SLC35F4: variants seen among roughly 807,000 people sequenced by gnomAD.
SLC35F4 encodes solute carrier family 35 member F4.
SLC35F4 carries 24 observed loss-of-function variants against 44.2 expected under a neutral mutation model. The observed-to-expected ratio is 0.54, with a 90% confidence interval of 0.39 to 0.76. The LOEUF (loss-of-function observed/expected upper bound fraction) is 0.76, where lower values mean the gene tolerates loss of function less well. Among genes scored for constraint, SLC35F4 ranks in the 30% least tolerant of loss-of-function variants. The pLI is 0.00. For synonymous variants in SLC35F4, 238 were observed against 223.6 expected (o/e 1.06, Z -0.57); for missense variants, 562 against 586.1 (o/e 0.96, Z 0.42).
rs139714958 is a variant in SLC35F4, at chr14:57,830,290, G to A, written c.103+35433C>T. Among the ~76,000 whole-genome samples, 1,473 of 152,204 alleles carry A rather than the reference G, an allele frequency of 9.7e-3. 17 individuals carry two copies. Among genetic ancestry groups the A allele is most frequent in the Middle Eastern group, 0.034 (10 of 294 alleles). ...TCCTTGGTTTCGTGATCTGTAAAAC[G>A]GAGAAAATGTGGTGTAATGCCACCT... is the stretch of plus-strand genomic sequence containing the variant. On this transcript the variant is annotated intron_variant, in intron 1 of 7. Coordinates refer to ENST00000556826, the MANE Select transcript of SLC35F4 (RefSeq NM_001306087.2).
At chr14:57,670,513 C>T (rs1444836251) in intron 1 of SLC35F4, among the ~76,000 whole-genome samples, 2 of 151,868 alleles carry the variant, frequency 1.3e-5, no homozygotes, top group Admixed American at 6.6e-5. Context: ...ATGTGTCCCA[C>T]TGATTCTGGT....
chr14:57,579,425 C>T (rs750964311), intron 4 of SLC35F4: 1 of 151,766 alleles, frequency 6.6e-6, no homozygotes, highest in Non-Finnish European at 1.5e-5. Flanking sequence ...AAACACTGTA[C>T]CTTTTTGGAC....
chr14:57,859,251 A>G (rs1887465429), intron 1 of SLC35F4, among the ~76,000 whole-genome samples: 1 of 152,232 alleles, frequency 6.6e-6, no homozygotes, highest in Non-Finnish European at 1.5e-5. Context: ...GGAAGACTAT[A>G]TGCATCCACT....
chr14:57,613,865 T>A (rs2071652139), intron 1 of SLC35F4, among the ~76,000 whole-genome samples: 1 of 152,238 alleles, frequency 6.6e-6, no homozygotes, highest in Non-Finnish European at 1.5e-5. Context: ...GAAAGTAACA[T>A]CTACCTAGTA....
At chr14:57,825,740 C>T (rs1026138568) in intron 1 of SLC35F4, among the ~76,000 whole-genome samples, 2 of 152,002 alleles carry the variant, frequency 1.3e-5, no homozygotes, top group African/African-American at 4.8e-5. Context: ...AGCAGAGAGC[C>T]AAATCATGAA....
intron 1 of SLC35F4, among the ~76,000 whole-genome samples, chr14:57,865,199 G>T (rs1888033392): frequency 6.6e-6 from 1 of 152,062 alleles, no homozygotes; most frequent in Non-Finnish European, 1.5e-5. Flanking sequence ...TCCCGCGCTG[G>T]CAGCGTCTCA....
intron 1 of SLC35F4, among the ~76,000 whole-genome samples, chr14:57,678,050 C>A (rs1284889748): frequency 1.3e-5 from 2 of 151,936 alleles, no homozygotes; most frequent in Non-Finnish European, 2.9e-5. Flanking sequence ...TTGAGAAGAG[C>A]AACCCCAAGA....
At chr14:57,938,447 A>G (rs1266679569) in intron 1 of SLC35F4, among the ~76,000 whole-genome samples, 1 of 152,226 alleles carries the variant, frequency 6.6e-6, no homozygotes, top group Non-Finnish European at 1.5e-5. Context: ...TTTTCAGATC[A>G]TCAGCACTTC....
chr14:57,710,134 G>A (rs971490044), intron 1 of SLC35F4, among the ~76,000 whole-genome samples: 3 of 152,222 alleles, frequency 2.0e-5, no homozygotes, highest in African/African-American at 7.2e-5. Context: ...CTCCTGCTCT[G>A]TGCAGTCTCA....
chr14:57,640,071 T>C (rs76679177), intron 1 of SLC35F4, among the ~76,000 whole-genome samples: 33,385 of 151,788 alleles, frequency 0.22, 3,753 homozygotes, highest in Middle Eastern at 0.29. Flanking sequence ...ACTTATATCC[T>C]ATAATAAATG....
intron 1 of SLC35F4, among the ~76,000 whole-genome samples, chr14:57,810,359 G>T (rs2140883276): frequency 6.6e-6 from 1 of 152,320 alleles, no homozygotes; most frequent in South Asian, 2.1e-4. Context: ...TGTCCTTTCT[G>T]GTTCTGGGGA....
At chr14:57,632,021 A>G (rs1243644588) in intron 1 of SLC35F4, among the ~76,000 whole-genome samples, 1 of 152,100 alleles carries the variant, frequency 6.6e-6, no homozygotes, top group Non-Finnish European at 1.5e-5. Flanking sequence ...CTGTTTGTGG[A>G]ATGTGTTTAA....
intron 1 of SLC35F4, among the ~76,000 whole-genome samples, chr14:57,934,441 T>C (rs1209958634): frequency 6.6e-6 from 1 of 151,502 alleles, no homozygotes; most frequent in Non-Finnish European, 1.5e-5. Flanking sequence ...ATGCATGTTA[T>C]TTCTCACACA....
chr14:57,653,952 C>T (rs1301784201), intron 1 of SLC35F4, among the ~76,000 whole-genome samples: 3 of 152,188 alleles, frequency 2.0e-5, no homozygotes, highest in Non-Finnish European at 4.4e-5. Context: ...GCTCCCCTAG[C>T]TTCTGGTGGT....
rs114689566 is a variant in SLC35F4, at chr14:57,762,411, C to T, written c.103+103312G>A. ...GTAGTGCTAGATCTTATCTAGCAGG[C>T]TGATTTTTCTAGGGAATTTTACCTT... On this transcript the variant is annotated intron_variant, in intron 1 of 7. Transcript: ENST00000556826. Among the ~76,000 whole-genome samples the T allele has an allele frequency of 2.4e-3, 363 of 152,178 alleles. 1 individual carries two copies. The highest frequency in any genetic ancestry group is 8.5e-3 in the African/African-American group (353 of 41,528).
intron 1 of SLC35F4, among the ~76,000 whole-genome samples, chr14:57,932,134 T>A (rs769447779): frequency 6.6e-6 from 1 of 152,244 alleles, no homozygotes; most frequent in African/African-American, 2.4e-5. Context: ...TCCCGTCATA[T>A]AACTTGAAGA....
intron 1 of SLC35F4, among the ~76,000 whole-genome samples, chr14:57,728,393 C>A: frequency 6.7e-6 from 1 of 148,508 alleles, no homozygotes. Context: ...TTACTGTTAC[C>A]AGGGAGTTTT....
At chr14:57,639,346 A>G (rs2073135074) in intron 1 of SLC35F4, among the ~76,000 whole-genome samples, 1 of 152,044 alleles carries the variant, frequency 6.6e-6, no homozygotes, top group Non-Finnish European at 1.5e-5. Flanking sequence ...TCATCTTCTT[A>G]TAACTACATG....
chr14:57,893,621 C>T (rs77567105), intron 1 of SLC35F4, among the ~76,000 whole-genome samples: 218 of 152,230 alleles, frequency 1.4e-3, no homozygotes, highest in African/African-American at 4.9e-3. Flanking sequence ...TCAGTTTAAG[C>T]TCTCTATGTC....
Sources: allele counts gnomAD v4.1 joint callset (sites outside exome capture counted in the v4.1 genomes callset), GRCh38; gene constraint gnomAD v4.1.1; transcripts MANE v1.5; gene names NCBI Gene and HGNC (gene_info 2026-07-23, HGNC 2026-07-21).